The following NAV2 variants were observed in gnomAD, a reference collection of about 807,000 sequenced individuals.
NAV2 encodes helicase, APC down-regulated 1.
A neutral mutation model predicts 223.2 loss-of-function variants in NAV2; 54 were observed. The ratio of observed to expected loss-of-function variants is 0.24; its 90% confidence interval spans 0.19 to 0.30. The LOEUF (loss-of-function observed/expected upper bound fraction) is 0.30, where lower values mean the gene tolerates loss of function less well. NAV2 is among the 10% of genes least tolerant of loss of function. The pLI is 1.00. For missense variants in NAV2, 2,806 were observed against 3,147.5 expected, an observed-to-expected ratio of 0.89 and a Z score of 2.60; for synonymous variants, 1,279 against 1,239.3, an observed-to-expected ratio of 1.03 and a Z score of -0.67.
intron 11 of NAV2, among the ~76,000 whole-genome samples, chr11:20,020,550 C>A (rs1453197063): frequency 6.6e-6 from 1 of 152,170 alleles, no homozygotes; most frequent in East Asian, 1.9e-4. Flanking sequence ...TCAATTAGAA[C>A]CTGTAGCTGC....
intron 6 of NAV2, among the ~76,000 whole-genome samples, chr11:19,921,649 AAGGTGGGGT>A (rs796242397): frequency 2.6e-4 from 39 of 152,286 alleles, no homozygotes; most frequent in African/African-American, 9.4e-4. Flanking sequence ...GTCCCTTCTC[AAGGTGGGGT>A]AGACTAGAAG....
At chr11:19,600,501 A>G (rs1269809799) in intron 1 of NAV2, among the ~76,000 whole-genome samples, 3 of 152,210 alleles carry the variant, frequency 2.0e-5, no homozygotes, top group Non-Finnish European at 4.4e-5. Flanking sequence ...AATCTTACTG[A>G]TCCCCCAAAA....
chr11:19,852,610 A>G (rs1340768993), intron 3 of NAV2, among the ~76,000 whole-genome samples: 2 of 152,352 alleles, frequency 1.3e-5, no homozygotes, highest in East Asian at 1.9e-4. Context: ...CACAACTAAC[A>G]TATGTTTGTC....
chr11:19,408,192 G>A (rs1479615045), intron 1 of NAV2, among the ~76,000 whole-genome samples: 1 of 152,094 alleles, frequency 6.6e-6, no homozygotes, highest in Admixed American at 6.6e-5. Flanking sequence ...TCTTTCTAAT[G>A]GTGGATTTGT....
chr11:20,103,179 C>T, intron 32 of NAV2, 76 bp from the exon 33 acceptor site: 2 of 1,445,602 alleles, frequency 1.4e-6, no homozygotes, highest in South Asian at 1.3e-5. Context: ...CTGGGTGAGG[C>T]AAAGGCCCTG....
chr11:19,489,607 T>G, intron 1 of NAV2, among the ~76,000 whole-genome samples: 1 of 152,316 alleles, frequency 6.6e-6, no homozygotes, highest in East Asian at 1.9e-4. Context: ...TTAAAATAAA[T>G]TACACGGAGT....
chr11:19,994,995 A>T (rs557981677), intron 11 of NAV2, among the ~76,000 whole-genome samples: 1 of 152,204 alleles, frequency 6.6e-6, no homozygotes, highest in African/African-American at 2.4e-5. Flanking sequence ...ACTCTAAGTA[A>T]CTCTGATGAA....
intron 1 of NAV2, among the ~76,000 whole-genome samples, chr11:19,478,169 G>A (rs1221390934): frequency 6.6e-6 from 1 of 152,226 alleles, no homozygotes; most frequent in East Asian, 1.9e-4. Context: ...CCAGGGGAGA[G>A]ATAGTAGGTC....
intron 1 of NAV2, among the ~76,000 whole-genome samples, chr11:19,534,388 T>C (rs1216326220): frequency 6.6e-6 from 1 of 152,192 alleles, no homozygotes; most frequent in Non-Finnish European, 1.5e-5. Flanking sequence ...GGTGAACACA[T>C]GTTGAGCACC....
chr11:19,908,204 G>A (rs1326460187), intron 6 of NAV2, among the ~76,000 whole-genome samples: 1 of 152,214 alleles, frequency 6.6e-6, no homozygotes, highest in East Asian at 1.9e-4. Flanking sequence ...TGGCTTCCTT[G>A]AAGTCTTTCC....
chr11:19,598,256 C>G (rs78021296), intron 1 of NAV2, among the ~76,000 whole-genome samples: 2 of 152,172 alleles, frequency 1.3e-5, no homozygotes, highest in Non-Finnish European at 2.9e-5. Flanking sequence ...CAAAGAGAAC[C>G]TGGGGGTGCC....
chr11:20,011,127 T>C (rs1011245397), intron 11 of NAV2, among the ~76,000 whole-genome samples: 1 of 152,208 alleles, frequency 6.6e-6, no homozygotes, highest in African/African-American at 2.4e-5. Context: ...GGAAACACAA[T>C]GCACTTTCTT....
intron 1 of NAV2, among the ~76,000 whole-genome samples, chr11:19,490,090 A>T (rs2042575383): frequency 6.6e-6 from 1 of 152,252 alleles, no homozygotes; most frequent in African/African-American, 2.4e-5. Flanking sequence ...AATAATGTAT[A>T]TACCTTAATT....
chr11:19,978,586 A>G (rs2153442883), intron 10 of NAV2: 1 of 151,298 alleles, frequency 6.6e-6, no homozygotes, highest in Admixed American at 6.6e-5. Flanking sequence ...GTGTCTTCGA[A>G]GAAAAGTAAT....
intron 1 of NAV2, among the ~76,000 whole-genome samples, chr11:19,475,552 T>A (rs1362199102): frequency 6.6e-6 from 1 of 152,198 alleles, no homozygotes; most frequent in Non-Finnish European, 1.5e-5. Flanking sequence ...CTGGCAATAT[T>A]TATGTTGAAC....
chr11:19,573,518 T>G (rs1317575106), intron 1 of NAV2, among the ~76,000 whole-genome samples: 1 of 152,164 alleles, frequency 6.6e-6, no homozygotes, highest in African/African-American at 2.4e-5. Context: ...GTTCTGATTT[T>G]AGAATTTACC....
chr11:19,377,934 T>C (rs1246864446), intron 1 of NAV2, among the ~76,000 whole-genome samples: 2 of 151,998 alleles, frequency 1.3e-5, no homozygotes, highest in Non-Finnish European at 2.9e-5. Flanking sequence ...GGGAGTGATA[T>C]GAAGTGTGGG....
intron 1 of NAV2, among the ~76,000 whole-genome samples, chr11:19,705,010 CAAAAAA>C (rs1244386651): frequency 2.1e-5 from 1 of 47,538 alleles, no homozygotes; most frequent in African/African-American, 7.2e-5. Context: ...GACTCCGTCT[CAAAAAA>C]AAAAAAAAAA....
intron 1 of NAV2, among the ~76,000 whole-genome samples, chr11:19,423,191 A>G (rs922396887): frequency 3.9e-5 from 6 of 152,392 alleles, no homozygotes; most frequent in Admixed American, 6.5e-5. Flanking sequence ...CAAAGCTGCC[A>G]TACCAAATCT....
Sources: allele counts gnomAD v4.1 joint callset (sites outside exome capture counted in the v4.1 genomes callset), GRCh38; gene constraint gnomAD v4.1.1; transcripts MANE v1.5; gene names NCBI Gene and HGNC (gene_info 2026-07-23, HGNC 2026-07-21).